Variants in KAZN observed in about 807,000 individuals in gnomAD.
The protein encoded by KAZN is kazrin, periplakin interacting protein.
A neutral mutation model predicts 87.4 loss-of-function variants in KAZN; 40 were observed. That is an observed-to-expected ratio of 0.46 (90% CI 0.36 to 0.60). KAZN has a LOEUF of 0.60. Ranked by LOEUF, KAZN falls within the 20% of genes least tolerant of loss-of-function variation. The pLI is 0.00. For synonymous variants in KAZN, 466 were observed against 458.3 expected (o/e 1.02, Z -0.22); for missense variants, 898 against 1,073.9 (o/e 0.84, Z 2.29).
At chr1:13,912,723 C>T (rs1639698961) in intron 1 of KAZN, among the ~76,000 whole-genome samples, 1 of 152,186 alleles carries the variant, frequency 6.6e-6, no homozygotes, top group Admixed American at 6.5e-5. Flanking sequence ...CCCACCTCAG[C>T]CTCCCCAGTA....
At chr1:13,993,126 T>C (rs955487423) in intron 1 of KAZN, among the ~76,000 whole-genome samples, 5 of 152,158 alleles carry the variant, frequency 3.3e-5, no homozygotes, top group Admixed American at 1.3e-4. Context: ...TCAAAGTCAA[T>C]GCACAGTTTG....
intron 2 of KAZN, among the ~76,000 whole-genome samples, chr1:14,407,696 C>A (rs182157052): frequency 6.6e-6 from 1 of 152,088 alleles, no homozygotes; most frequent in African/African-American, 2.4e-5. Context: ...GTTGTATAAA[C>A]TGTTATCATG....
Position 15,017,941 on chromosome 1 carries a change from G to A in KAZN, c.419-16808G>A, listed in dbSNP as rs79417036. On this transcript the variant is annotated intron_variant, in intron 2 of 14. Coordinates refer to ENST00000376030, the MANE Select transcript of KAZN (RefSeq NM_201628.3). Reference sequence around the variant, plus strand: ...AAGAGTAGTGAGTTCTCCATTCATGGAGGTGTGCAAATTTTCACATATACT... The same window carrying A: ...AAGAGTAGTGAGTTCTCCATTCATGAAGGTGTGCAAATTTTCACATATACT... Among the ~76,000 whole-genome samples, 764 of 152,300 alleles carry A rather than the reference G, an allele frequency of 5.0e-3. 3 individuals are homozygous for A. Among genetic ancestry groups the A allele is most frequent in the African/African-American group, 0.017 (714 of 41,564 alleles).
chr1:14,681,555 G>A (rs1640572394), intron 1 of KAZN, among the ~76,000 whole-genome samples: 1 of 132,962 alleles, frequency 7.5e-6, no homozygotes, highest in East Asian at 2.3e-4. Flanking sequence ...TTTTTTAATG[G>A]TGGTAAAATA....
intron 1 of KAZN, among the ~76,000 whole-genome samples, chr1:14,699,632 G>A (rs1351783323): frequency 6.6e-6 from 1 of 152,210 alleles, no homozygotes; most frequent in Non-Finnish European, 1.5e-5. Flanking sequence ...GGAGCATGAA[G>A]CTTGTTTACA....
chr1:14,808,482 G>C (rs926440195), intron 1 of KAZN, among the ~76,000 whole-genome samples: 1 of 150,228 alleles, frequency 6.7e-6, no homozygotes, highest in African/African-American at 2.5e-5. Context: ...TTTTTTAGTA[G>C]AGACGGGGTT....
At chr1:14,692,245 T>C in intron 1 of KAZN, 1 of 708,576 alleles carries the variant, frequency 1.4e-6, no homozygotes, top group Non-Finnish European at 2.1e-6. Flanking sequence ...GCTTCCAACC[T>C]GCGCTGGCAA....
At chr1:14,852,415 C>T (rs1335808285) in intron 1 of KAZN, among the ~76,000 whole-genome samples, 4 of 152,222 alleles carry the variant, frequency 2.6e-5, no homozygotes, top group Non-Finnish European at 5.9e-5. Flanking sequence ...GGTGCCAGGC[C>T]TGCGAATGAG....
intron 1 of KAZN, among the ~76,000 whole-genome samples, chr1:14,042,650 AT>A (rs1641889179): frequency 6.6e-6 from 1 of 151,334 alleles, no homozygotes. Context: ...TTTCCCTCCT[AT>A]TTGTTGTGAA....
chr1:14,351,072 C>A (rs549540507), intron 2 of KAZN: 1 of 152,334 alleles, frequency 6.6e-6, no homozygotes, highest in East Asian at 1.9e-4. Flanking sequence ...TGACCCCAGT[C>A]CCTCTCCGCA....
chr1:14,173,658 T>TCCCCG (rs56686540), intron 1 of KAZN, among the ~76,000 whole-genome samples: 2,419 of 148,506 alleles, frequency 0.016, 43 homozygotes, highest in African/African-American at 0.056. Context: ...GTAGTTCCCC[T>TCCCCG]CCCCGCCCCG....
chr1:14,842,102 A>G (rs1363457917), intron 1 of KAZN, among the ~76,000 whole-genome samples: 5 of 152,094 alleles, frequency 3.3e-5, no homozygotes, highest in Non-Finnish European at 5.9e-5. Context: ...CACTTATGCT[A>G]TCTTTTGCTG....
chr1:14,984,806 G>A (rs1366316826), intron 2 of KAZN, among the ~76,000 whole-genome samples: 1 of 152,094 alleles, frequency 6.6e-6, no homozygotes. Context: ...GACTCCTGCT[G>A]GCAAAGATGG....
intron 2 of KAZN, among the ~76,000 whole-genome samples, chr1:14,186,760 T>C (rs1371057078): frequency 6.6e-6 from 1 of 152,140 alleles, no homozygotes; most frequent in Non-Finnish European, 1.5e-5. Context: ...GAGGCAATAA[T>C]TAATTTACTC....
intron 1 of KAZN, among the ~76,000 whole-genome samples, chr1:14,826,189 G>A (rs1245289411): frequency 6.6e-6 from 1 of 152,224 alleles, no homozygotes; most frequent in Admixed American, 6.5e-5. Context: ...GGCACAGAGA[G>A]ACTCCTTTTG....
intron 2 of KAZN, among the ~76,000 whole-genome samples, chr1:14,311,273 GA>G (rs1304597480): frequency 1.3e-5 from 2 of 151,526 alleles, no homozygotes; most frequent in Admixed American, 1.3e-4. Flanking sequence ...ATGAGATATT[GA>G]ACCTGACCTC....
intron 2 of KAZN, among the ~76,000 whole-genome samples, chr1:14,459,358 T>C (rs1436825687): frequency 1.3e-5 from 2 of 151,758 alleles, no homozygotes; most frequent in African/African-American, 4.8e-5. Flanking sequence ...TTCTCCACAG[T>C]GAGCTAAGGC....
chr1:14,311,587 G>A lies in KAZN; in HGVS notation c.249+130995G>A, dbSNP rs553836972. On this transcript the variant is annotated intron_variant, in intron 2 of 16. Coordinates refer to the KAZN transcript ENST00000636203. Reference sequence around the variant, plus strand: ...AGTGTGTCAACAGGGCTTTCTCTCCGGTAGAGTTTGACACAATGTATTCTG... The same window carrying A: ...AGTGTGTCAACAGGGCTTTCTCTCCAGTAGAGTTTGACACAATGTATTCTG... Among the ~76,000 whole-genome samples, 16 of 152,272 alleles carry A rather than the reference G, an allele frequency of 1.1e-4. No homozygotes were observed. In the East Asian group the frequency reaches 2.5e-3, roughly 24 times the overall value.
intron 2 of KAZN, among the ~76,000 whole-genome samples, chr1:14,239,586 G>A (rs1367403505): frequency 4.0e-5 from 6 of 149,896 alleles, no homozygotes; most frequent in Admixed American, 6.7e-5. Flanking sequence ...TCAGCCTCCC[G>A]AGTAGCTGGG....
Sources: allele counts gnomAD v4.1 joint callset (sites outside exome capture counted in the v4.1 genomes callset), GRCh38; gene constraint gnomAD v4.1.1; transcripts MANE v1.5; gene names NCBI Gene and HGNC (gene_info 2026-07-23, HGNC 2026-07-21).